Variants in ZNF140 observed in about 807,000 individuals in gnomAD.
ZNF140 encodes the protein zinc finger protein 140 (clone pHZ-39).
ZNF140 carries 13 observed loss-of-function variants against 12.9 expected under a neutral mutation model. The observed-to-expected ratio is 1.01, with a 90% CI of 0.66 to 1.60. The LOEUF is 1.60. Ranked by LOEUF, ZNF140 falls within the 40% of genes most tolerant of loss-of-function variation. The pLI is 0.00. For synonymous variants in ZNF140, 214 were observed against 186.7 expected (o/e 1.15, Z -1.19); for missense variants, 531 against 548.8 (o/e 0.97, Z 0.32).
chr12:133,083,086 T>C lies in ZNF140; in HGVS notation c.10-17T>C. 1.2e-6 allele frequency: 2 copies of C among 1,614,188 alleles called. No homozygotes were observed. Among genetic ancestry groups the C allele is most frequent in the Non-Finnish European group, 1.7e-6 (2 of 1,180,024 alleles). On this transcript the variant is annotated splice_polypyrimidine_tract_variant and intron_variant, in intron 2 of 4. Coordinates refer to ENST00000355557, the MANE Select transcript of ZNF140 (RefSeq NM_003440.4). The stretch of plus-strand genomic sequence containing the variant: ...GGCATGCGTGCTGGTCATGCAAATA[T>C]CTGTCCGTCATTTCAGGGGTCAGTG...
At chr12:133,103,428 ATTT>A (rs144653447) in intron 4 of ZNF140, among the ~76,000 whole-genome samples, 25 of 140,996 alleles carry the variant, frequency 1.8e-4, no homozygotes, top group Non-Finnish European at 2.1e-4. Context: ...CTAAGTTTTA[ATTT>A]TTTTTTTTTT....
chr12:133,084,116 T>C (rs1954595029), intron 4 of ZNF140: 8 of 420,262 alleles, frequency 1.9e-5, no homozygotes, highest in Non-Finnish European at 3.2e-5. Flanking sequence ...TTCTCACAGG[T>C]GTCTTTTTTG....
chr12:133,090,672 A>G (rs2137513774), intron 4 of ZNF140, among the ~76,000 whole-genome samples: 1 of 149,242 alleles, frequency 6.7e-6, no homozygotes, highest in Non-Finnish European at 1.5e-5. Context: ...TCAGCATACC[A>G]AGGACCTGCA....
At chr12:133,081,247 T>C in intron 1 of ZNF140, 26 bp from the exon 2 acceptor site, 2 of 1,400,352 alleles carry the variant, frequency 1.4e-6, no homozygotes, top group Non-Finnish European at 9.8e-7. Context: ...GCCTGTTCGC[T>C]CAGGGCTCCT....
intron 4 of ZNF140, among the ~76,000 whole-genome samples, chr12:133,102,175 T>C (rs1955373091): frequency 6.6e-6 from 1 of 152,190 alleles, no homozygotes; most frequent in Non-Finnish European, 1.5e-5. Context: ...ATAGGATGGC[T>C]AGAAGGGGCT....
chr12:133,087,537 C>A (rs1321918162), intron 4 of ZNF140, among the ~76,000 whole-genome samples: 1 of 116,590 alleles, frequency 8.6e-6, no homozygotes, highest in African/African-American at 3.2e-5. Flanking sequence ...AAAAAAAAAG[C>A]GGGAGTGGAG....
chr12:133,095,976 C>T (rs947664232), intron 4 of ZNF140, among the ~76,000 whole-genome samples: 36 of 151,290 alleles, frequency 2.4e-4, no homozygotes, highest in Non-Finnish European at 4.3e-4. Context: ...AGGCAGGAGA[C>T]AGTGGCCTTC....
At chr12:133,085,968 A>G (rs1954663565) in intron 4 of ZNF140, among the ~76,000 whole-genome samples, 2 of 152,186 alleles carry the variant, frequency 1.3e-5, no homozygotes. Context: ...GCAGTGAACT[A>G]TGATTGTGCC....
intron 4 of ZNF140, among the ~76,000 whole-genome samples, chr12:133,091,244 A>ACTG (rs1292528255): frequency 4.0e-5 from 6 of 148,770 alleles, no homozygotes; most frequent in Admixed American, 2.7e-4. Flanking sequence ...TCTGCAGTGC[A>ACTG]CTGTGCCCTG....
chr12:133,094,327 G>T (rs925400594), intron 4 of ZNF140, among the ~76,000 whole-genome samples: 2 of 151,166 alleles, frequency 1.3e-5, no homozygotes, highest in African/African-American at 4.9e-5. Flanking sequence ...TTTACGGCTG[G>T]TATAGTAAAA....
At chr12:133,085,187 G>T (rs1954636205) in intron 4 of ZNF140, among the ~76,000 whole-genome samples, 1 of 152,122 alleles carries the variant, frequency 6.6e-6, no homozygotes, top group South Asian at 2.1e-4. Context: ...ACCATGCCTG[G>T]CTAAGTTTTG....
intron 4 of ZNF140, among the ~76,000 whole-genome samples, chr12:133,104,353 A>G (rs1955487202): frequency 1.0e-5 from 1 of 99,632 alleles, no homozygotes; most frequent in Non-Finnish European, 2.1e-5. Flanking sequence ...CTAAAGATAC[A>G]ATTTTTTTTT....
intron 4 of ZNF140, among the ~76,000 whole-genome samples, chr12:133,088,928 A>G (rs1343727549): frequency 6.6e-6 from 1 of 152,236 alleles, no homozygotes; most frequent in African/African-American, 2.4e-5. Flanking sequence ...GGCATGGAGT[A>G]TAATTCCCTT....
rs1416817991 is a variant in ZNF140, at chr12:133,085,079, C to T, written c.232+1518C>T. Among the ~76,000 whole-genome samples the T allele has an allele frequency of 2.7e-3, 411 of 151,338 alleles. 1 individual carries two copies. Among genetic ancestry groups the T allele is most frequent in the African/African-American group, 9.4e-3 (389 of 41,172 alleles). On this transcript the variant is annotated intron_variant, in intron 4 of 4. Transcript: ENST00000355557. ...CGCTCTTGCCCCCTAGGCTGGAGTG[C>T]GATGGCGCGATCTCAGCTTACTGCA...
At chr12:133,099,051 T>C (rs1955236537) in intron 4 of ZNF140, among the ~76,000 whole-genome samples, 1 of 152,182 alleles carries the variant, frequency 6.6e-6, no homozygotes, top group South Asian at 2.1e-4. Flanking sequence ...AATTTTTGTA[T>C]ATTTAGTAGA....
At chr12:133,094,383 C>T (rs1954995248) in intron 4 of ZNF140, among the ~76,000 whole-genome samples, 2 of 150,886 alleles carry the variant, frequency 1.3e-5, no homozygotes, top group Non-Finnish European at 2.9e-5. Flanking sequence ...GGTAAAAAAG[C>T]AATCCTTTGA....
At position 133,105,478 on chromosome 12, in the gene ZNF140, G is replaced by T; in HGVS notation, c.233-32G>T. 2.6e-6 allele frequency: 4 copies of T among 1,535,860 alleles called. 1 individual carries two copies. The South Asian group carries it at 3.9e-5, about 15-fold the overall frequency. ...CTTATTTTATTCAATACAGGAAAAA[G>T]AAACATTCACTTTTTTTTTGGTATC... On this transcript the variant is annotated intron_variant, in intron 4 of 4. Coordinates refer to ENST00000355557, the MANE Select transcript of ZNF140 (RefSeq NM_003440.4).
At chr12:133,097,343 T>A (rs1231591568) in intron 4 of ZNF140, among the ~76,000 whole-genome samples, 3 of 152,154 alleles carry the variant, frequency 2.0e-5, no homozygotes, top group Middle Eastern at 3.2e-3. Context: ...CCTTCATTTT[T>A]AAAATTTATT....
intron 4 of ZNF140, among the ~76,000 whole-genome samples, chr12:133,085,052 C>T (rs1954629834): frequency 6.7e-6 from 1 of 149,762 alleles, no homozygotes; most frequent in Non-Finnish European, 1.5e-5. Flanking sequence ...GAGACGAAGT[C>T]TCGCTCTTGC....
Sources: gnomAD v4.1 joint callset for allele counts (sites outside exome capture counted in the v4.1 genomes callset) on GRCh38, gnomAD v4.1.1 for gene constraint, MANE v1.5 for transcripts, NCBI Gene and HGNC (gene_info 2026-07-23, HGNC 2026-07-21) for gene names.